The following SNX27 variants were observed in gnomAD, a reference collection of about 807,000 sequenced individuals.
SNX27 encodes sorting nexin-27.
In SNX27, 22 loss-of-function variants were observed where a neutral mutation model predicts 71.6. The ratio of observed to expected loss-of-function variants is 0.31; its 90% CI spans 0.22 to 0.44. The LOEUF (loss-of-function observed/expected upper bound fraction) is 0.44, where lower values mean the gene tolerates loss of function less well. SNX27 is among the 20% of genes least tolerant of loss of function. The probability of loss-of-function intolerance (pLI) is 1.00; values close to 1 mark genes in which losing one functional copy is unlikely to be tolerated. For synonymous variants in SNX27, 269 were observed against 277.2 expected, an observed-to-expected ratio of 0.97 and a Z score of 0.29; for missense variants, 531 against 698.6, an observed-to-expected ratio of 0.76 and a Z score of 2.70.
intron 7 of SNX27, among the ~76,000 whole-genome samples, chr1:151,674,254 T>C (rs1670567585): frequency 6.6e-6 from 1 of 152,202 alleles, no homozygotes; most frequent in African/African-American, 2.4e-5. Flanking sequence ...GCAAATACTC[T>C]CTTGTAATCT....
chr1:151,648,257 GTTGCCCAGGCTGGTC>G (rs753654247), intron 2 of SNX27, among the ~76,000 whole-genome samples: 15 of 152,046 alleles, frequency 9.9e-5, no homozygotes, highest in Non-Finnish European at 1.9e-4. Context: ...GTTTCATCAT[GTTGCCCAGGCTGGTC>G]TTGAACTCCT....
chr1:151,668,369 G>C, intron 6 of SNX27, 103 bp from the exon 7 acceptor site: 1 of 1,072,082 alleles, frequency 9.3e-7, no homozygotes, highest in Non-Finnish European at 1.3e-6. Context: ...TGATGTTCTG[G>C]TTAATGATAA....
In SNX27 at chr1:151,692,442, A is replaced by G. The variant is rs372894841; in HGVS notation, c.1247A>G (p.Asn416Ser). The G allele has an allele frequency of 3.4e-6, 5 of 1,491,018 alleles. No individual in the cohort carries two copies. Among genetic ancestry groups the G allele is most frequent in the Admixed American group, 2.5e-5 (1 of 39,994 alleles). The allele number at this position is 1,491,018 out of a possible 1,614,324, so 92.4% of individuals were successfully genotyped here. A position where few individuals can be genotyped will look rare whatever the true frequency, so the allele number is the denominator to read the frequency against. Residue 416 changes from asparagine to serine, a missense_variant, in exon 9 of 12, where the codon AAC becomes AGC. Around this residue, in one of 5 missense-constraint regions of SNX27, gnomAD observed 157 missense variants for 178.4 expected, o/e 0.88. Coordinates refer to ENST00000458013, the MANE Select transcript of SNX27 (RefSeq NM_001330723.2). ...TTTTTTTTTTTTTTTTAGTACCTCA[A>G]CATGCTAAGGACTTGTGAGGGCTAC... ...YEQRKMVMYL[N>S]MLRTCEGYNE...
At chr1:151,636,489 G>A (rs1436595681) in intron 1 of SNX27, among the ~76,000 whole-genome samples, 1 of 151,856 alleles carries the variant, frequency 6.6e-6, no homozygotes, top group East Asian at 1.9e-4. Context: ...ATTTCGTATA[G>A]AGACGGGGTT....
intron 5 of SNX27, among the ~76,000 whole-genome samples, chr1:151,663,990 TTTAA>T (rs1190609238): frequency 6.6e-6 from 1 of 151,736 alleles, no homozygotes; most frequent in Non-Finnish European, 1.5e-5. Flanking sequence ...ACTAACGCTA[TTTAA>T]TTATCTTGAA....
chr1:151,681,943 C>T (rs1670985414), intron 7 of SNX27, among the ~76,000 whole-genome samples: 1 of 152,176 alleles, frequency 6.6e-6, no homozygotes, highest in South Asian at 2.1e-4. Context: ...TTCTCTTCTT[C>T]ATTCTGTTCT....
At chr1:151,674,472 T>C (rs1196465) in intron 7 of SNX27, among the ~76,000 whole-genome samples, 84,103 of 151,990 alleles carry the variant, frequency 0.55, 24,894 homozygotes, top group Non-Finnish European at 0.68. Flanking sequence ...GATGTTTTTT[T>C]ATTTTGAAGT....
At chr1:151,651,640 G>A (rs1019848390) in intron 2 of SNX27, among the ~76,000 whole-genome samples, 3 of 151,578 alleles carry the variant, frequency 2.0e-5, no homozygotes, top group Admixed American at 6.6e-5. Context: ...CATCTCAGAC[G>A]ATGGGTGGCC....
chr1:151,692,663 A>G (rs1671512754), intron 9 of SNX27, 79 bp downstream of exon 9: 1 of 1,552,462 alleles, frequency 6.4e-7, no homozygotes, highest in Non-Finnish European at 8.7e-7. Context: ...TTTTAATTCC[A>G]TTTTAGGGGG....
At chr1:151,690,687 T>A (rs1436931619) in intron 8 of SNX27, among the ~76,000 whole-genome samples, 2 of 151,914 alleles carry the variant, frequency 1.3e-5, no homozygotes, top group Non-Finnish European at 2.9e-5. Flanking sequence ...GTTCAAGTGA[T>A]CCTCCCACCT....
chr1:151,692,386 C>G, intron 8 of SNX27, 49 bp from the exon 9 acceptor site: 3 of 1,471,960 alleles, frequency 2.0e-6, no homozygotes, highest in African/African-American at 2.9e-5. Flanking sequence ...CATAGTAACC[C>G]TGTTTCCTGT....
At chr1:151,623,505 G>A (rs1198902884) in intron 1 of SNX27, among the ~76,000 whole-genome samples, 1 of 151,978 alleles carries the variant, frequency 6.6e-6, no homozygotes, top group Non-Finnish European at 1.5e-5. Flanking sequence ...TCAGTGATCT[G>A]CCTGCCTTGG....
At chr1:151,668,012 A>T (rs1407377171) in intron 6 of SNX27, among the ~76,000 whole-genome samples, 1 of 152,140 alleles carries the variant, frequency 6.6e-6, no homozygotes, top group Non-Finnish European at 1.5e-5. Flanking sequence ...TTTATAAAGA[A>T]AAAAGGTCTA....
intron 1 of SNX27, among the ~76,000 whole-genome samples, chr1:151,630,911 A>G (rs920848896): frequency 2.0e-5 from 3 of 152,198 alleles, no homozygotes; most frequent in Non-Finnish European, 2.9e-5. Context: ...GGGCGCCTGT[A>G]GTTCCAGCTA....
intron 1 of SNX27, among the ~76,000 whole-genome samples, chr1:151,630,110 C>CAA (rs200240392): frequency 1.5e-4 from 20 of 133,440 alleles, no homozygotes; most frequent in African/African-American, 1.9e-4. Context: ...GACTTTGTCT[C>CAA]AAAAAAAAAA....
chr1:151,664,088 CATT>C (rs914305058), intron 5 of SNX27, among the ~76,000 whole-genome samples: 52 of 147,026 alleles, frequency 3.5e-4, no homozygotes, highest in African/African-American at 1.3e-3. Context: ...GTAAATATAT[CATT>C]ATATATAAAT....
chr1:151,693,463 G>C lies in SNX27; in HGVS notation c.1558G>C (p.Glu520Gln). ...TGAGTGCTTCGAGAGGGTGTTCTGCGAGCTCAAGTGGAGAAAAGAGGTAAT... is the reference window on the plus strand; with the variant it reads ...TGAGTGCTTCGAGAGGGTGTTCTGCCAGCTCAAGTGGAGAAAAGAGGTAAT... ...MHECFERVFC[E>Q]LKWRKENIFQ... The change falls in exon 11 of 12, where the codon GAG (glutamate) becomes CAG (glutamine). Residue 520 changes from glutamate to glutamine, a missense_variant. Glu to Gln is a conservative substitution (Grantham distance 29). This residue lies in a region of SNX27 where 157 missense variants were observed against 178.4 expected (regional missense o/e 0.88). Transcript: ENST00000458013. 6.2e-7 allele frequency: 1 copy of C among 1,614,082 alleles called. No homozygotes were observed. Among genetic ancestry groups the C allele is most frequent in the Non-Finnish European group, 8.5e-7 (1 of 1,180,010 alleles).
chr1:151,692,371 A>T, intron 8 of SNX27, 64 bp from the exon 9 acceptor site: 1 of 1,454,416 alleles, frequency 6.9e-7, no homozygotes, highest in South Asian at 1.5e-5. Flanking sequence ...TATTGTGTTT[A>T]ATACCATAGT....
intron 2 of SNX27, among the ~76,000 whole-genome samples, chr1:151,642,700 G>A (rs1439471381): frequency 3.3e-5 from 5 of 151,746 alleles, no homozygotes; most frequent in African/African-American, 9.7e-5. Flanking sequence ...GTGCAGTGGC[G>A]CAATCTTGGC....
Sources: gnomAD v4.1 joint callset for allele counts (sites outside exome capture counted in the v4.1 genomes callset) on GRCh38, gnomAD v4.1.1 for gene constraint, gnomAD v4.1.1 regional missense constraint, MANE v1.5 for transcripts, NCBI Gene and HGNC (gene_info 2026-07-23, HGNC 2026-07-21) for gene names.